ADGRA3: variants seen among roughly 807,000 people sequenced by gnomAD.
ADGRA3 encodes the protein adhesion G protein-coupled receptor A3.
Under a neutral mutation model 119.8 loss-of-function variants are expected in ADGRA3, and 56 were observed. The observed-to-expected ratio is 0.47, with a 90% confidence interval of 0.38 to 0.58. The LOEUF (loss-of-function observed/expected upper bound fraction) is 0.58. Among genes scored for constraint, ADGRA3 ranks in the 20% least tolerant of loss-of-function variants. The pLI, the probability that ADGRA3 is intolerant of heterozygous loss-of-function variation, is 0.00. For missense variants in ADGRA3, 1,516 were observed against 1,649.0 expected, an observed-to-expected ratio of 0.92 and a Z score of 1.40; for synonymous variants, 607 against 623.8, an observed-to-expected ratio of 0.97 and a Z score of 0.40.
At chr4:22,443,197 T>A (rs1716692252) in intron 6 of ADGRA3, 3 of 604,756 alleles carry the variant, frequency 5.0e-6, no homozygotes, top group Non-Finnish European at 5.8e-6. Flanking sequence ...TGTTGATATT[T>A]ACAACTTTAA....
At chr4:22,403,237 GC>G (rs201501821) in intron 14 of ADGRA3, among the ~76,000 whole-genome samples, 2,028 of 152,104 alleles carry the variant, frequency 0.013, 46 homozygotes, top group African/African-American at 0.047. Flanking sequence ...ACTATCCGTA[GC>G]CAAGTTCAAC....
intron 1 of ADGRA3, among the ~76,000 whole-genome samples, chr4:22,486,624 G>C (rs1313094567): frequency 1.3e-5 from 2 of 152,096 alleles, no homozygotes; most frequent in African/African-American, 2.4e-5. Context: ...ACCTCCAAGG[G>C]GTGAGGATGT....
chr4:22,438,430 G>T lies in ADGRA3; in HGVS notation c.921-10C>A. On this transcript the variant is annotated splice_polypyrimidine_tract_variant and intron_variant, in intron 7 of 18. Coordinates refer to ENST00000334304, the MANE Select transcript of ADGRA3 (RefSeq NM_145290.4). ...AGAAATGGTTAGGGCACTGCATAAAGAAAGATTTTAAAAAGAGAGAAAATA... is the reference window on the plus strand; with the variant it reads ...AGAAATGGTTAGGGCACTGCATAAATAAAGATTTTAAAAAGAGAGAAAATA... 1 of 1,605,370 alleles carries T rather than the reference G, an allele frequency of 6.2e-7. No homozygotes were observed. The highest frequency in any genetic ancestry group is 8.5e-7 in the Non-Finnish European group (1 of 1,175,936).
At chr4:22,480,604 C>T (rs1177671146) in intron 1 of ADGRA3, among the ~76,000 whole-genome samples, 8 of 152,104 alleles carry the variant, frequency 5.3e-5, no homozygotes, top group Non-Finnish European at 8.8e-5. Context: ...TATTCCTCTT[C>T]TAAAAATTTA....
At chr4:22,455,628 TTTTC>T (rs1717209852) in intron 3 of ADGRA3, among the ~76,000 whole-genome samples, 1 of 152,224 alleles carries the variant, frequency 6.6e-6, no homozygotes, top group Non-Finnish European at 1.5e-5. Context: ...AATGAAACCT[TTTTC>T]TTTTTACCTA....
At chr4:22,480,189 C>T (rs1375722024) in intron 1 of ADGRA3, among the ~76,000 whole-genome samples, 2 of 152,096 alleles carry the variant, frequency 1.3e-5, no homozygotes, top group Non-Finnish European at 2.9e-5. Context: ...CGGCAAAAGG[C>T]TTGAACAGAT....
At chr4:22,454,669 CGTGTGTG>C (rs1717179160) in intron 4 of ADGRA3, among the ~76,000 whole-genome samples, 190 bp downstream of exon 4, 1 of 151,952 alleles carries the variant, frequency 6.6e-6, no homozygotes, top group South Asian at 2.1e-4. Flanking sequence ...CACATGTGTC[CGTGTGTG>C]GTGTGGTAAG....
At chr4:22,410,376 C>T (rs973759427) in intron 14 of ADGRA3, among the ~76,000 whole-genome samples, 1 of 152,092 alleles carries the variant, frequency 6.6e-6, no homozygotes, top group African/African-American at 2.4e-5. Flanking sequence ...ATCATTCAAG[C>T]AAACCTAATT....
chr4:22,409,021 C>T (rs1715074904), intron 14 of ADGRA3, among the ~76,000 whole-genome samples: 1 of 152,176 alleles, frequency 6.6e-6, no homozygotes, highest in African/African-American at 2.4e-5. Context: ...GTACATACTA[C>T]ACAACTAAAG....
chr4:22,418,329 A>C (rs1430972659), intron 12 of ADGRA3, among the ~76,000 whole-genome samples: 1 of 152,174 alleles, frequency 6.6e-6, no homozygotes, highest in African/African-American at 2.4e-5. Flanking sequence ...GCAATGAGAG[A>C]GAGATGAACA....
chr4:22,499,741 T>C (rs1319146090), intron 1 of ADGRA3, among the ~76,000 whole-genome samples: 1 of 152,194 alleles, frequency 6.6e-6, no homozygotes, highest in South Asian at 2.1e-4. Context: ...AAATGGATGA[T>C]GTTACAAACC....
intron 10 of ADGRA3, 40 bp downstream of exon 10, chr4:22,435,271 G>A (rs1220347322): frequency 1.3e-6 from 2 of 1,530,906 alleles, no homozygotes; most frequent in African/African-American, 1.4e-5. Context: ...ACTACCATTT[G>A]TTGACACTGT....
intron 7 of ADGRA3, among the ~76,000 whole-genome samples, chr4:22,439,097 C>G (rs1255166987): frequency 2.0e-5 from 3 of 152,116 alleles, no homozygotes; most frequent in African/African-American, 4.8e-5. Context: ...AGTCACATCT[C>G]CCTTCTCACA....
chr4:22,407,981 A>G (rs1210670487), intron 14 of ADGRA3, among the ~76,000 whole-genome samples: 1 of 152,130 alleles, frequency 6.6e-6, no homozygotes, highest in Non-Finnish European at 1.5e-5. Flanking sequence ...AAGAATTATA[A>G]TAAGAGTTTA....
intron 16 of ADGRA3, chr4:22,398,080 T>C (rs1714441926): frequency 1.0e-6 from 1 of 985,354 alleles, no homozygotes; most frequent in Non-Finnish European, 1.2e-6. Flanking sequence ...ATGTAGTTGA[T>C]CTGAGACCCA....
At chr4:22,472,119 C>T (rs573018928) in intron 2 of ADGRA3, among the ~76,000 whole-genome samples, 9 of 152,304 alleles carry the variant, frequency 5.9e-5, no homozygotes, top group African/African-American at 2.2e-4. Flanking sequence ...TGCCTGCCAT[C>T]CTTCCTTTTG....
intron 10 of ADGRA3, among the ~76,000 whole-genome samples, chr4:22,432,036 G>A (rs13110697): frequency 0.04 from 6,129 of 152,082 alleles, 207 homozygotes; most frequent in East Asian, 0.19. Context: ...ATTGAAAACT[G>A]TTGAAGCCAA....
Position 22,424,305 on chromosome 4 carries a change from A to C in ADGRA3, c.1491T>G (p.Asp497Glu), listed in dbSNP as rs759821657. The C allele has an allele frequency of 3.7e-6, 6 of 1,613,974 alleles. No individual in the cohort carries two copies. The South Asian group carries it at 6.6e-5, about 18-fold the overall frequency. The part of the protein sequence containing the change: ...VDIASNIMLA[D>E]ERVLWLAQRE... ...TCTGCGCCAGCCACAGGACACGTTCATCAGCCAACATGATGTTACTTGCAA... is the reference window on the plus strand; with the variant it reads ...TCTGCGCCAGCCACAGGACACGTTCCTCAGCCAACATGATGTTACTTGCAA... Residue 497 changes from aspartate (D) to glutamate (E), a missense_variant, in exon 11 of 19, where the codon GAT becomes GAG. Physicochemically the swap from Asp to Glu is conservative, Grantham distance 45. This residue lies in a region of ADGRA3 where 1,088 missense variants were observed against 1,107.1 expected (regional missense o/e 0.98). Coordinates refer to ENST00000334304, the MANE Select transcript of ADGRA3 (RefSeq NM_145290.4).
Position 22,515,785 on chromosome 4 carries a change from G to A in ADGRA3, c.-1C>T. ...CCCGCCGGCGTCCGGGTGGCTCCATGCTGCGGGCCGGGGCCTGCGGGGCGA... is the reference window on the plus strand; with the variant it reads ...CCCGCCGGCGTCCGGGTGGCTCCATACTGCGGGCCGGGGCCTGCGGGGCGA... On this transcript the variant is annotated 5_prime_UTR_variant, in exon 1 of 19. Transcript: ENST00000334304. The A allele has an allele frequency of 9.9e-7, 1 of 1,006,246 alleles. No individual in the cohort carries two copies. The highest frequency in any genetic ancestry group is 1.2e-6 in the Non-Finnish European group (1 of 848,366). The allele number at this position is 1,006,246 out of a possible 1,614,324, so 62.3% of individuals were successfully genotyped here.
Sources: allele counts gnomAD v4.1 joint callset (sites outside exome capture counted in the v4.1 genomes callset), GRCh38; gene constraint gnomAD v4.1.1; regional missense constraint gnomAD v4.1.1; transcripts MANE v1.5; gene names NCBI Gene and HGNC (gene_info 2026-07-23, HGNC 2026-07-21).